LIPG: variants seen among roughly 807,000 people sequenced by gnomAD.
LIPG encodes the protein endothelial lipase.
Under a neutral mutation model 51.8 loss-of-function variants are expected in LIPG, and 34 were observed. The observed-to-expected ratio is 0.66, with a 90% CI of 0.50 to 0.87. The LOEUF is 0.87. Ranked by LOEUF, LIPG falls within the 40% of genes least tolerant of loss-of-function variation. LIPG has a pLI of 0.00. For missense variants in LIPG, 580 were observed against 652.7 expected (o/e 0.89, Z 1.21); for synonymous variants, 246 against 246.1 (o/e 1.00, Z 0.00).
intron 5 of LIPG, among the ~76,000 whole-genome samples, chr18:49,578,910 G>T (rs1223200530): frequency 2.0e-5 from 3 of 147,154 alleles, no homozygotes; most frequent in Non-Finnish European, 4.5e-5. Context: ...CACTCGGCAG[G>T]CTGAGGCAGG....
At chr18:49,561,569 GGGAGGGAGAAGA>G, upstream of LIPG, 1 of 772,448 alleles carries the variant, frequency 1.3e-6, no homozygotes, top group Non-Finnish European at 1.8e-6. Flanking sequence ...TAGGCGGGAA[GGGAGGGAGAAGA>G]GGAGGACAAA....
At chr18:49,590,173 TTG>T (rs57137391) in intron 9 of LIPG, 37,177 of 364,836 alleles carry the variant, frequency 0.1, 304 homozygotes, top group South Asian at 0.14. Flanking sequence ...GTGTCCATGA[TTG>T]TGTGTGTGTG....
chr18:49,572,321 A>C (rs2084672015), intron 4 of LIPG, among the ~76,000 whole-genome samples: 1 of 89,964 alleles, frequency 1.1e-5, no homozygotes, highest in Non-Finnish European at 2.9e-5. Flanking sequence ...ACTCTGTCTC[A>C]AAAATAAAAA....
chr18:49,565,247 A>G, intron 1 of LIPG, 70 bp from the exon 2 acceptor site: 1 of 1,504,124 alleles, frequency 6.6e-7, no homozygotes, highest in Non-Finnish European at 9.2e-7. Context: ...CGATTGAACT[A>G]GAATCAGACC....
At position 49,596,664 on chromosome 18, in the gene LIPG, C is replaced by G. The variant is rs2084984542; in HGVS notation, c.*6142C>G. 6.9e-6 allele frequency: 1 copy of G among 144,702 alleles called. No individual in the cohort carries two copies. Among genetic ancestry groups the G allele is most frequent in the Admixed American group, 6.9e-5 (1 of 14,466 alleles). The allele number at this position is 144,702 out of a possible 1,614,324, so 9.0% of individuals were successfully genotyped here. ...AAAAAAAAAAAAAAAAAAAAGGCCA[C>G]AGAAATGTCCATCCAGCAGGTGGAC... is the stretch of plus-strand genomic sequence containing the variant. On this transcript the variant is annotated 3_prime_UTR_variant, in exon 10 of 10. Transcript: ENST00000261292.
intron 8 of LIPG, 85 bp from the exon 9 acceptor site, chr18:49,586,661 C>T: frequency 1.0e-6 from 1 of 969,552 alleles, no homozygotes; most frequent in East Asian, 2.4e-5. Context: ...CCCCTGCCTC[C>T]TCACCCATCT....
Position 49,593,919 on chromosome 18 carries a change from G to A in LIPG, c.*3397G>A, listed in dbSNP as rs990934180. On this transcript the variant is annotated 3_prime_UTR_variant, in exon 10 of 10. Coordinates refer to ENST00000261292, the MANE Select transcript of LIPG (RefSeq NM_006033.4). ...TTTGTGGGGAAAATAGTGATGTTTC[G>A]ATACATACAAGGTATAGTGATCATG... 4 of 152,098 alleles carry A rather than the reference G, an allele frequency of 2.6e-5. No individual in the cohort carries two copies. The highest frequency in any genetic ancestry group is 6.5e-5 in the Admixed American group (1 of 15,274). 9.4% of individuals were successfully genotyped at this position (152,098 alleles called of 1,614,324 possible).
At chr18:49,578,315 C>T (rs1041811992) in intron 5 of LIPG, among the ~76,000 whole-genome samples, 1 of 140,868 alleles carries the variant, frequency 7.1e-6, no homozygotes, top group African/African-American at 2.7e-5. Flanking sequence ...ACGGGGCAGC[C>T]GGGCAGAGAC....
In LIPG at chr18:49,597,182, G is replaced by C. The variant is rs1244842482; in HGVS notation, c.*6660G>C. On this transcript the variant is annotated 3_prime_UTR_variant, in exon 10 of 10. Coordinates refer to ENST00000261292, the MANE Select transcript of LIPG (RefSeq NM_006033.4). ...GTTGGGATAGAGAAACAGTGGAGCA[G>C]GGCAGCCACCTTACACATAGGCTAG... 1 of 152,214 alleles carries C rather than the reference G, an allele frequency of 6.6e-6. No homozygotes were observed. Among genetic ancestry groups the C allele is most frequent in the African/African-American group, 2.4e-5 (1 of 41,468 alleles). 9.4% of individuals were successfully genotyped at this position (152,214 alleles called of 1,614,324 possible). A position where few individuals can be genotyped will look rare whatever the true frequency, so the allele number is the denominator to read the frequency against.
rs368744894 is a variant in LIPG, at chr18:49,599,074, A to G, written c.*8552A>G. 6.6e-6 allele frequency: 1 copy of G among 152,254 alleles called. No individual in the cohort carries two copies. Among genetic ancestry groups the G allele is most frequent in the Non-Finnish European group, 1.5e-5 (1 of 68,050 alleles). The allele number at this position is 152,254 out of a possible 1,614,324, so 9.4% of individuals were successfully genotyped here. A position where few individuals can be genotyped will look rare whatever the true frequency, so the allele number is the denominator to read the frequency against. ...GAGTAATGCTACTATGAACATTTGC[A>G]TATGAATCCTTGTATGGACATGAAC... On this transcript the variant is annotated 3_prime_UTR_variant, in exon 10 of 10. Transcript: ENST00000261292.
chr18:49,587,255 C>T (rs1221637917), intron 9 of LIPG, among the ~76,000 whole-genome samples: 2 of 149,408 alleles, frequency 1.3e-5, no homozygotes, highest in African/African-American at 4.9e-5. Flanking sequence ...GCCTAGGTGA[C>T]AAGAATGAAG....
rs1171157734 is a variant in LIPG, at chr18:49,591,470, C to T, written c.*948C>T. ...TTCATGCTGGGGCCAGAATGATGGC[C>T]GGTTGCCAGATATAACTGCTTTGGA... is the stretch of plus-strand genomic sequence containing the variant. On this transcript the variant is annotated 3_prime_UTR_variant, in exon 10 of 10. Coordinates refer to ENST00000261292, the MANE Select transcript of LIPG (RefSeq NM_006033.4). The T allele has an allele frequency of 6.6e-5, 10 of 152,172 alleles. No homozygotes were observed. Among genetic ancestry groups the T allele is most frequent in the Non-Finnish European group, 8.8e-5 (6 of 68,052 alleles). The allele number at this position is 152,172 out of a possible 1,614,324, so 9.4% of individuals were successfully genotyped here.
At position 49,569,733 on chromosome 18, in the gene LIPG, G is replaced by A. The variant is rs548708046; in HGVS notation, c.571+185G>A. 8.0e-5 allele frequency among the ~76,000 whole-genome samples: 12 copies of A among 150,520 alleles called. No individual in the cohort carries two copies. The South Asian group carries it at 1.7e-3, about 21-fold the overall frequency. On this transcript the variant is annotated intron_variant, in intron 4 of 9. Coordinates refer to ENST00000261292, the MANE Select transcript of LIPG (RefSeq NM_006033.4). ...TTTTTTTTTTTTCCAAATTGAACTC[G>A]CATAGGCCCGCAGTATATGAGACAC...
rs2143988402 is a variant in LIPG, at chr18:49,592,454, C to T, written c.*1932C>T. ...AAATTCATTGATGTGTCAGTTACACCTTATCCACATAGCCTGAGGGTAATT... is the reference window on the plus strand; with the variant it reads ...AAATTCATTGATGTGTCAGTTACACTTTATCCACATAGCCTGAGGGTAATT... On this transcript the variant is annotated 3_prime_UTR_variant, in exon 10 of 10. Coordinates refer to ENST00000261292, the MANE Select transcript of LIPG (RefSeq NM_006033.4). 1 of 152,326 alleles carries T rather than the reference C, an allele frequency of 6.6e-6. No homozygotes were observed. The highest frequency in any genetic ancestry group is 3.4e-3 in the Middle Eastern group (1 of 294). The allele number at this position is 152,326 out of a possible 1,614,324, so 9.4% of individuals were successfully genotyped here. A position where few individuals can be genotyped will look rare whatever the true frequency, so the allele number is the denominator to read the frequency against.
At chr18:49,568,709 C>G (rs978913787) in intron 3 of LIPG, among the ~76,000 whole-genome samples, 3 of 152,106 alleles carry the variant, frequency 2.0e-5, no homozygotes, top group African/African-American at 7.2e-5. Flanking sequence ...TAATAATCTG[C>G]CTGAGATCAG....
In LIPG at chr18:49,583,791, CCTT is replaced by C. The variant is rs538703118; in HGVS notation, c.1376+23_1376+25del. On this transcript the variant is annotated intron_variant, in intron 8 of 9. Transcript: ENST00000261292. ...CCAGCGGAAGTAAGTGCCTCCTGCT[CCTT>C]CTTCTGCCTGGTGTAGGTGGGGAAC... is the stretch of plus-strand genomic sequence containing the variant. 8.2e-5 allele frequency: 131 copies of C among 1,594,104 alleles called. No individual in the cohort carries two copies. Among genetic ancestry groups the C allele is most frequent in the Non-Finnish European group, 1.1e-4 (129 of 1,169,496 alleles).
intron 3 of LIPG, 91 bp downstream of exon 3, chr18:49,567,712 A>C: frequency 7.6e-7 from 1 of 1,308,068 alleles, no homozygotes; most frequent in Non-Finnish European, 1.1e-6. Context: ...TGTTGCCATG[A>C]ACTTCTGGAG....
chr18:49,588,000 G>A lies in LIPG; in HGVS notation c.1481+1150G>A, dbSNP rs997146003. On this transcript the variant is annotated intron_variant, in intron 9 of 9. Coordinates refer to ENST00000261292, the MANE Select transcript of LIPG (RefSeq NM_006033.4). ...AGACGGGGTTTCACCATGTTGCCCA[G>A]TCTGGTCTTGAACTCCATGGCTCAA... Among the ~76,000 whole-genome samples, 3 of 152,112 alleles carry A rather than the reference G, an allele frequency of 2.0e-5. 1 individual carries two copies. Among genetic ancestry groups the A allele is most frequent in the African/African-American group, 7.2e-5 (3 of 41,418 alleles).
chr18:49,585,003 A>G (rs2084866701), intron 8 of LIPG, among the ~76,000 whole-genome samples: 1 of 152,162 alleles, frequency 6.6e-6, no homozygotes, highest in Non-Finnish European at 1.5e-5. Flanking sequence ...AAATATAACT[A>G]ATATTTCAAT....
Sources: gnomAD v4.1 joint callset for allele counts (sites outside exome capture counted in the v4.1 genomes callset) on GRCh38, gnomAD v4.1.1 for gene constraint, MANE v1.5 for transcripts, NCBI Gene and HGNC (gene_info 2026-07-23, HGNC 2026-07-21) for gene names.